The following PRKCB variants were observed in gnomAD, a reference collection of about 807,000 sequenced individuals.
PRKCB encodes the protein protein kinase C beta type.
A neutral mutation model predicts 81.5 loss-of-function variants in PRKCB; 13 were observed. The observed-to-expected ratio is 0.16, with a 90% CI of 0.10 to 0.25. PRKCB has a LOEUF of 0.25. Ranked by LOEUF, PRKCB falls within the 10% of genes least tolerant of loss-of-function variation. The pLI, the probability that PRKCB is intolerant of heterozygous loss-of-function variation, is 1.00. For missense variants in PRKCB, 509 were observed against 875.7 expected, an observed-to-expected ratio of 0.58 and a Z score of 5.29; for synonymous variants, 335 against 321.4, an observed-to-expected ratio of 1.04 and a Z score of -0.45.
intron 16 of PRKCB, among the ~76,000 whole-genome samples, chr16:24,204,261 C>G (rs1261024030): frequency 1.3e-5 from 2 of 152,040 alleles, no homozygotes; most frequent in African/African-American, 2.4e-5. Flanking sequence ...ATTGTTGGAG[C>G]CAGGATTGGT....
intron 9 of PRKCB, among the ~76,000 whole-genome samples, chr16:24,143,124 T>C (rs901439765): frequency 2.6e-5 from 4 of 152,100 alleles, no homozygotes; most frequent in African/African-American, 9.7e-5. Context: ...TTTATTATTT[T>C]ATTTTATTAT....
intron 3 of PRKCB, among the ~76,000 whole-genome samples, chr16:24,025,154 T>A (rs9925467): frequency 0.098 from 14,857 of 152,240 alleles, 941 homozygotes; most frequent in African/African-American, 0.17. Flanking sequence ...CTGGCTCTAA[T>A]CTGTGCTGCA....
At chr16:24,102,661 G>T (rs952792953) in intron 7 of PRKCB, among the ~76,000 whole-genome samples, 19 of 152,054 alleles carry the variant, frequency 1.2e-4, no homozygotes, top group African/African-American at 4.6e-4. Context: ...TTCTAATTTT[G>T]TTTATTTATA....
intron 2 of PRKCB, among the ~76,000 whole-genome samples, chr16:23,927,265 T>C (rs1963910362): frequency 6.6e-6 from 1 of 151,934 alleles, no homozygotes; most frequent in African/African-American, 2.4e-5. Context: ...GGGAGAGTGC[T>C]CCAGGCAGAG....
intron 5 of PRKCB, among the ~76,000 whole-genome samples, chr16:24,046,287 C>T (rs1287745976): frequency 6.6e-6 from 1 of 152,208 alleles, no homozygotes; most frequent in Non-Finnish European, 1.5e-5. Flanking sequence ...GGTTTGAATC[C>T]TGCCTTTCCC....
intron 9 of PRKCB, among the ~76,000 whole-genome samples, chr16:24,124,429 A>C (rs528371850): frequency 6.6e-6 from 1 of 152,232 alleles, no homozygotes; most frequent in East Asian, 1.9e-4. Flanking sequence ...TACAATGAGG[A>C]GTTTGGGTTT....
chr16:24,122,653 T>A (rs1012468640), intron 8 of PRKCB, among the ~76,000 whole-genome samples: 3 of 152,030 alleles, frequency 2.0e-5, no homozygotes, highest in Non-Finnish European at 2.9e-5. Context: ...AGAGACAGGG[T>A]CTTGTTATGT....
chr16:23,971,495 C>G (rs1964556029), intron 2 of PRKCB, among the ~76,000 whole-genome samples: 2 of 152,160 alleles, frequency 1.3e-5, no homozygotes, highest in Non-Finnish European at 2.9e-5. Flanking sequence ...ACTGTATCTC[C>G]TGGACTCCCT....
intron 2 of PRKCB, among the ~76,000 whole-genome samples, chr16:23,892,518 A>C (rs1963310788): frequency 6.6e-6 from 1 of 152,218 alleles, no homozygotes; most frequent in Non-Finnish European, 1.5e-5. Flanking sequence ...ACTTCATATT[A>C]ATACAAAACA....
chr16:24,186,100 G>A (rs909559607), intron 15 of PRKCB, among the ~76,000 whole-genome samples: 1 of 152,118 alleles, frequency 6.6e-6, no homozygotes, highest in African/African-American at 2.4e-5. Context: ...CACACAAATG[G>A]CTAAAAGGGC....
intron 9 of PRKCB, among the ~76,000 whole-genome samples, chr16:24,142,329 G>A (rs767226020): frequency 6.6e-6 from 1 of 152,212 alleles, no homozygotes; most frequent in Non-Finnish European, 1.5e-5. Context: ...TACCTGCCAC[G>A]TGGTAAAGAC....
At chr16:23,933,648 C>CCATA (rs1228863310) in intron 2 of PRKCB, among the ~76,000 whole-genome samples, 7 of 150,256 alleles carry the variant, frequency 4.7e-5, no homozygotes, top group Admixed American at 4.6e-4. Flanking sequence ...ATCCATCCAT[C>CCATA]CATCCATCCA....
chr16:23,884,477 C>G (rs1963168379), intron 2 of PRKCB, among the ~76,000 whole-genome samples: 1 of 152,178 alleles, frequency 6.6e-6, no homozygotes, highest in African/African-American at 2.4e-5. Context: ...CTTTGCCTTC[C>G]CTTATGGGCT....
intron 2 of PRKCB, among the ~76,000 whole-genome samples, chr16:23,860,075 G>C (rs1962639519): frequency 6.6e-6 from 1 of 152,096 alleles, no homozygotes; most frequent in African/African-American, 2.4e-5. Flanking sequence ...AGAGGAATTA[G>C]ACAGACCTGC....
At chr16:24,025,983 C>T (rs12232446) in intron 3 of PRKCB, among the ~76,000 whole-genome samples, 4 of 152,054 alleles carry the variant, frequency 2.6e-5, no homozygotes, top group East Asian at 1.9e-4. Context: ...AGACACCCAG[C>T]GTACACATGT....
chr16:24,099,919 G>A (rs1410875892), intron 7 of PRKCB: 1 of 148,964 alleles, frequency 6.7e-6, no homozygotes, highest in Non-Finnish European at 1.5e-5. Flanking sequence ...GTTGCAGTGA[G>A]CTGAGATCCC....
intron 16 of PRKCB, among the ~76,000 whole-genome samples, chr16:24,213,004 GTATA>G (rs1407628091): frequency 1.4e-3 from 206 of 143,060 alleles, no homozygotes; most frequent in Middle Eastern, 7.1e-3. Flanking sequence ...CACCGTACTT[GTATA>G]TTTATTTATT....
In PRKCB at chr16:24,180,793, C is replaced by T. The variant is rs2141972353; in HGVS notation, c.1398C>T (p.Asp466=). 2 of 1,613,836 alleles carry T rather than the reference C, an allele frequency of 1.2e-6. No homozygotes were observed. Among genetic ancestry groups the T allele is most frequent in the Non-Finnish European group, 1.7e-6 (2 of 1,179,824 alleles). Residue 466 remains aspartate, a synonymous_variant, in exon 13 of 17, where the codon GAC becomes GAT. Coordinates refer to ENST00000643927, the MANE Select transcript of PRKCB (RefSeq NM_002738.7). ...TAAATTCTTGTGTCTGCCATAGTGA[C>T]CTAAAACTTGACAACGTGATGCTCG... The part of the protein sequence containing the change: ...FLQSKGIIYR[D]LKLDNVMLDS...
intron 2 of PRKCB, among the ~76,000 whole-genome samples, chr16:23,873,693 G>A (rs1335926915): frequency 6.6e-6 from 1 of 152,186 alleles, no homozygotes; most frequent in Non-Finnish European, 1.5e-5. Flanking sequence ...ATAGGGACAT[G>A]GAAGATGCTA....
Sources: allele counts gnomAD v4.1 joint callset (sites outside exome capture counted in the v4.1 genomes callset), GRCh38; gene constraint gnomAD v4.1.1; transcripts MANE v1.5; gene names NCBI Gene and HGNC (gene_info 2026-07-23, HGNC 2026-07-21).